Variants in NEBL observed in about 807,000 individuals in gnomAD.
NEBL encodes nebulette, also known as LIM and SH3 protein 2.
NEBL carries 122 observed loss-of-function variants against 140.2 expected under a neutral mutation model. The observed-to-expected ratio is 0.87, with a 90% CI of 0.75 to 1.01. The LOEUF is 1.01. NEBL is among the 50% of genes least tolerant of loss of function. The pLI is 0.00. For synonymous variants in NEBL, 436 were observed against 398.9 expected, an observed-to-expected ratio of 1.09 and a Z score of -1.11; for missense variants, 1,365 against 1,231.3, an observed-to-expected ratio of 1.11 and a Z score of -1.62.
intron 2 of NEBL, chr10:21,126,110 C>G (rs201719568): frequency 1.2e-5 from 20 of 1,611,444 alleles, no homozygotes; most frequent in Non-Finnish European, 1.7e-5. Flanking sequence ...GCTCTCCGTT[C>G]TGCCTTACCA....
At chr10:20,862,024 A>G (rs568081367) in intron 7 of NEBL, among the ~76,000 whole-genome samples, 1 of 152,136 alleles carries the variant, frequency 6.6e-6, no homozygotes, top group Non-Finnish European at 1.5e-5. Context: ...TGTTTTACAC[A>G]CGTTGAACAT....
intron 3 of NEBL, among the ~76,000 whole-genome samples, chr10:21,241,340 G>C (rs530443147): frequency 5.3e-5 from 8 of 151,520 alleles, no homozygotes; most frequent in Admixed American, 3.9e-4. Flanking sequence ...GGCCACCAGG[G>C]GGCCGCCTGC....
chr10:21,032,323 T>C (rs964823939), intron 2 of NEBL, among the ~76,000 whole-genome samples: 64 of 152,212 alleles, frequency 4.2e-4, no homozygotes, highest in African/African-American at 1.5e-3. Flanking sequence ...TTTGGTAGTG[T>C]ACCATTAGCA....
At chr10:21,251,199 T>C (rs1304740419) in intron 2 of NEBL, among the ~76,000 whole-genome samples, 2 of 152,226 alleles carry the variant, frequency 1.3e-5, no homozygotes, top group Non-Finnish European at 2.9e-5. Flanking sequence ...GAGTAGGAGC[T>C]AGCCAGGTAC....
In NEBL at chr10:21,112,777, G is replaced by A. The variant is rs1838089335; in HGVS notation, c.164+59606C>T. On this transcript the variant is annotated intron_variant, in intron 2 of 6. Coordinates refer to the NEBL transcript ENST00000417816. ...AAAGAAAAAGAAAAAAATTGAAAAT[G>A]TCTGTACAGCCAGTGATTTCCCTTG... 5 of 169,948 alleles carry A rather than the reference G, an allele frequency of 2.9e-5. No homozygotes were observed. The South Asian group carries it at 6.4e-4, about 22-fold the overall frequency. The allele number at this position is 169,948 out of a possible 1,614,324, so 10.5% of individuals were successfully genotyped here.
At chr10:21,172,952 C>A (rs1841146366) in intron 1 of NEBL, among the ~76,000 whole-genome samples, 1 of 152,208 alleles carries the variant, frequency 6.6e-6, no homozygotes, top group Non-Finnish European at 1.5e-5. Context: ...CCAGCTTCCA[C>A]TAAAATGCTG....
intron 8 of NEBL, 84 bp from the exon 9 acceptor site, chr10:20,858,428 A>C (rs1328030824): frequency 8.6e-6 from 10 of 1,159,122 alleles, no homozygotes; most frequent in African/African-American, 1.5e-5. Flanking sequence ...ATACATCATA[A>C]AGTAGGACTA....
At chr10:21,243,174 G>A (rs1037619713) in intron 3 of NEBL, among the ~76,000 whole-genome samples, 1 of 152,074 alleles carries the variant, frequency 6.6e-6, no homozygotes, top group Non-Finnish European at 1.5e-5. Context: ...TCTACTGAGT[G>A]AGATTAAAAT....
intron 2 of NEBL, among the ~76,000 whole-genome samples, chr10:21,153,395 A>G (rs1273741442): frequency 6.6e-6 from 1 of 152,046 alleles, no homozygotes; most frequent in Non-Finnish European, 1.5e-5. Context: ...ATCTCAGCTC[A>G]CTGCAACCTC....
chr10:20,902,232 T>C (rs981964998), upstream of NEBL, among the ~76,000 whole-genome samples: 2 of 151,734 alleles, frequency 1.3e-5, no homozygotes, highest in Non-Finnish European at 2.9e-5. Flanking sequence ...TGAAACCCCG[T>C]CTCTACTAAA....
intron 3 of NEBL, among the ~76,000 whole-genome samples, chr10:20,978,040 C>A (rs1564468847): frequency 6.6e-6 from 1 of 152,092 alleles, no homozygotes; most frequent in African/African-American, 2.4e-5. Context: ...TTTTAAAAAT[C>A]TTTTTTGTTT....
At chr10:21,075,360 G>A (rs1378971177) in intron 2 of NEBL, among the ~76,000 whole-genome samples, 1 of 152,120 alleles carries the variant, frequency 6.6e-6, no homozygotes, top group Non-Finnish European at 1.5e-5. Context: ...CTGATAATGG[G>A]AGAAGCTGTA....
At chr10:20,813,803 G>T in intron 23 of NEBL, 136 bp downstream of exon 23, 1 of 687,410 alleles carries the variant, frequency 1.5e-6, no homozygotes, top group Non-Finnish European at 2.7e-6. Context: ...GATTAGAAAT[G>T]CCCCTCCCTC....
chr10:20,878,450 C>T (rs531716509), intron 5 of NEBL, among the ~76,000 whole-genome samples: 32 of 152,194 alleles, frequency 2.1e-4, no homozygotes, highest in Non-Finnish European at 4.0e-4. Context: ...AGTAAATTCT[C>T]TGCAATGAGT....
chr10:21,278,165 G>A (rs1296803845), intron 1 of NEBL, among the ~76,000 whole-genome samples: 1 of 152,220 alleles, frequency 6.6e-6, no homozygotes, highest in Non-Finnish European at 1.5e-5. Flanking sequence ...TTTGAGCCGG[G>A]CATGGTGGTG....
chr10:20,903,604 A>G (rs748825252), intron 4 of NEBL, among the ~76,000 whole-genome samples: 7 of 152,202 alleles, frequency 4.6e-5, no homozygotes, highest in Admixed American at 6.5e-5. Flanking sequence ...TGGCAAGGAT[A>G]CGGAACCAGA....
chr10:21,214,146 T>C (rs1841954944), intron 3 of NEBL, among the ~76,000 whole-genome samples: 1 of 151,304 alleles, frequency 6.6e-6, no homozygotes, highest in Admixed American at 6.6e-5. Flanking sequence ...TATATATGTA[T>C]ATAATATATA....
chr10:21,249,227 C>T (rs902608465), intron 2 of NEBL, among the ~76,000 whole-genome samples: 2 of 151,930 alleles, frequency 1.3e-5, no homozygotes. Flanking sequence ...TACTTTTTGT[C>T]GTTGAATCTT....
intron 26 of NEBL, 126 bp downstream of exon 26, chr10:20,808,384 A>T: frequency 2.0e-6 from 2 of 1,020,336 alleles, no homozygotes; most frequent in Non-Finnish European, 2.9e-6. Flanking sequence ...TTCTGAACTT[A>T]ATTTTAAATT....
Sources: allele counts gnomAD v4.1 joint callset (sites outside exome capture counted in the v4.1 genomes callset), GRCh38; gene constraint gnomAD v4.1.1; transcripts MANE v1.5; gene names NCBI Gene and HGNC (gene_info 2026-07-23, HGNC 2026-07-21).